CLCC1: variants seen among roughly 807,000 people sequenced by gnomAD.
CLCC1 encodes the protein chloride channel CLIC like 1, also known as chloride channel CLIC-like protein 1.
CLCC1 carries 39 observed loss-of-function variants against 63.3 expected under a neutral mutation model. The observed-to-expected ratio is 0.62, with a 90% CI of 0.48 to 0.81. The LOEUF (loss-of-function observed/expected upper bound fraction) is 0.81. Among genes scored for constraint, CLCC1 ranks in the 30% least tolerant of loss-of-function variants. The pLI, the probability that CLCC1 is intolerant of heterozygous loss-of-function variation, is 0.00. For missense variants in CLCC1, 549 were observed against 669.4 expected (o/e 0.82, Z 1.98); for synonymous variants, 217 against 239.8 (o/e 0.90, Z 0.88).
intron 5 of CLCC1, among the ~76,000 whole-genome samples, chr1:108,944,819 C>T (rs1340672708): frequency 2.0e-5 from 3 of 152,038 alleles, no homozygotes; most frequent in African/African-American, 4.8e-5. Context: ...TTAGTAGAGA[C>T]GGGGTTTCAC....
chr1:108,945,450 C>T (rs1654417433), intron 5 of CLCC1, among the ~76,000 whole-genome samples: 1 of 152,166 alleles, frequency 6.6e-6, no homozygotes, highest in East Asian at 1.9e-4. Flanking sequence ...GTTTTGATTG[C>T]CTTGTTCCAT....
chr1:108,951,419 TGATA>T (rs1655170273), intron 2 of CLCC1, among the ~76,000 whole-genome samples: 1 of 152,050 alleles, frequency 6.6e-6, no homozygotes, highest in Admixed American at 6.6e-5. Context: ...TTCCATTAAC[TGATA>T]AATAAAACTG....
At chr1:108,941,691 T>G (rs1653869551) in intron 7 of CLCC1, among the ~76,000 whole-genome samples, 193 bp from the exon 8 acceptor site, 2 of 152,168 alleles carry the variant, frequency 1.3e-5, no homozygotes, top group South Asian at 4.1e-4. Flanking sequence ...TCTCGCCCTG[T>G]CACCCACGCT....
intron 2 of CLCC1, among the ~76,000 whole-genome samples, chr1:108,956,882 A>AGGGAGACGGGGAGGCAGGGAGGCG (rs1655965670): frequency 9.6e-6 from 1 of 104,420 alleles, no homozygotes; most frequent in African/African-American, 4.1e-5. Flanking sequence ...GCTGGGAGGC[A>AGGGAGACGGGGAGGCAGGGAGGCG]GGGAGGCGGG....
chr1:108,938,355 T>A (rs11809361), intron 10 of CLCC1, among the ~76,000 whole-genome samples: 10,074 of 152,238 alleles, frequency 0.066, 461 homozygotes, highest in African/African-American at 0.14. Context: ...ACTCTGCTGA[T>A]AATTTCAGTT....
chr1:108,961,572 G>C (rs770628165), intron 2 of CLCC1, among the ~76,000 whole-genome samples: 3 of 152,110 alleles, frequency 2.0e-5, no homozygotes, highest in Non-Finnish European at 4.4e-5. Flanking sequence ...TATAATAGTA[G>C]CTAAAGGCCG....
chr1:108,961,588 G>A (rs773982455), intron 2 of CLCC1, among the ~76,000 whole-genome samples: 3 of 152,110 alleles, frequency 2.0e-5, no homozygotes, highest in South Asian at 2.1e-4. Flanking sequence ...GGCCGGGCAC[G>A]GTGGCTCACG....
In CLCC1 at chr1:108,934,691, C is replaced by A. The variant is rs145636232; in HGVS notation, c.1635G>T (p.Pro545=). ...TCCTCTAGCCACAGGGGCTGCTGACCGGATCCTGTCCACGTGGTCCAGCCA... is the reference window on the plus strand; with the variant it reads ...TCCTCTAGCCACAGGGGCTGCTGACAGGATCCTGTCCACGTGGTCCAGCCA... ...RGVAGPRGQD[P]VSSPCG is the part of the protein sequence containing the mutation. Residue 545 remains proline, a synonymous_variant, in exon 12 of 13, where the codon CCG becomes CCT. Transcript: ENST00000369969. 1.5e-5 allele frequency: 25 copies of A among 1,613,314 alleles called. No individual in the cohort carries two copies. In the South Asian group the frequency reaches 2.4e-4, roughly 16 times the overall value.
chr1:108,945,905 G>A (rs1571043064), intron 5 of CLCC1, among the ~76,000 whole-genome samples: 1 of 152,152 alleles, frequency 6.6e-6, no homozygotes, highest in East Asian at 1.9e-4. Flanking sequence ...GCTCACACCT[G>A]TAATCCCAGC....
At position 108,929,904 on chromosome 1, in the gene CLCC1, G is replaced by GT. The variant is rs1314362870; in HGVS notation, c.*2642dup. 4 of 1,613,608 alleles carry GT rather than the reference G, an allele frequency of 2.5e-6. No homozygotes were observed. Among genetic ancestry groups the GT allele is most frequent in the Admixed American group, 1.7e-5 (1 of 59,988 alleles). On this transcript the variant is annotated 3_prime_UTR_variant, in exon 13 of 13. Coordinates refer to ENST00000369969, the MANE Select transcript of CLCC1 (RefSeq NM_001377458.1). ...TTTTGCAAAATAATGCTTTGTTGGAGTTTAAAAATTCAGGGAAAAAATCGG... is the reference window on the plus strand; with the variant it reads ...TTTTGCAAAATAATGCTTTGTTGGAGTTTTAAAAATTCAGGGAAAAAATCGG...
intron 10 of CLCC1, among the ~76,000 whole-genome samples, chr1:108,939,367 T>C (rs867706430): frequency 1.7e-4 from 25 of 149,296 alleles, no homozygotes; most frequent in Admixed American, 2.7e-4. Flanking sequence ...AGTACAGTGG[T>C]GCGATCTCGG....
intron 5 of CLCC1, 136 bp from the exon 6 acceptor site, chr1:108,944,193 G>T: frequency 1.5e-6 from 1 of 678,958 alleles, no homozygotes; most frequent in Non-Finnish European, 2.4e-6. Flanking sequence ...TAATAGCCTG[G>T]GCAAGGTAGC....
At chr1:108,939,818 A>G in intron 9 of CLCC1, 36 bp from the exon 10 acceptor site, 2 of 1,605,136 alleles carry the variant, frequency 1.2e-6, no homozygotes, top group Non-Finnish European at 1.7e-6. Context: ...TTTTCTCCTC[A>G]CAGGACTAAG....
In CLCC1 at chr1:108,929,698, T is replaced by C; in HGVS notation, c.*2849A>G. 3 of 1,613,050 alleles carry C rather than the reference T, an allele frequency of 1.9e-6. No individual in the cohort carries two copies. Among genetic ancestry groups the C allele is most frequent in the South Asian group, 1.1e-5 (1 of 91,064 alleles). On this transcript the variant is annotated 3_prime_UTR_variant, in exon 13 of 13. Transcript: ENST00000369969. ...TCTTTTAATCTCTCTCATAAACTTC[T>C]AGGGATCCAGATTAGATGATCAAAG...
chr1:108,931,554 A>C lies in CLCC1; in HGVS notation c.*993T>G. ...GTCATTCAGGTGATTTGGATGGGCA[A>C]ATAGAACTATTTCTCTAATGGCCAA... On this transcript the variant is annotated 3_prime_UTR_variant, in exon 13 of 13. Transcript: ENST00000369969. The C allele has an allele frequency of 6.7e-7, 1 of 1,494,278 alleles. No individual in the cohort carries two copies. Among genetic ancestry groups the C allele is most frequent in the African/African-American group, 1.4e-5 (1 of 70,880 alleles). The allele number at this position is 1,494,278 out of a possible 1,614,324, so 92.6% of individuals were successfully genotyped here.
Position 108,929,783 on chromosome 1 carries a change from G to A in CLCC1, c.*2764C>T, listed in dbSNP as rs144830055. On this transcript the variant is annotated 3_prime_UTR_variant, in exon 13 of 13. Coordinates refer to ENST00000369969, the MANE Select transcript of CLCC1 (RefSeq NM_001377458.1). ...ACAGTACCAGATGAAGACTTTTTCAGCCTTATTTTACGGTCCCAGGGAAAG... is the reference window on the plus strand; with the variant it reads ...ACAGTACCAGATGAAGACTTTTTCAACCTTATTTTACGGTCCCAGGGAAAG... The A allele has an allele frequency of 1.2e-5, 19 of 1,613,878 alleles. No homozygotes were observed. The African/African-American group carries it at 2.3e-4, about 19-fold the overall frequency.
At chr1:108,932,551 A>C (rs549480746) in intron 12 of CLCC1, 50 bp from the exon 13 acceptor site, 1 of 152,368 alleles carries the variant, frequency 6.6e-6, no homozygotes, top group East Asian at 1.9e-4. Flanking sequence ...ATTTTTTAAA[A>C]GAATTTGGTT....
intron 2 of CLCC1, among the ~76,000 whole-genome samples, chr1:108,950,868 G>A (rs540538478): frequency 6.6e-6 from 1 of 152,088 alleles, no homozygotes; most frequent in Non-Finnish European, 1.5e-5. Context: ...AACACTTTCT[G>A]AACAGTATCT....
Position 108,930,848 on chromosome 1 carries a change from G to A in CLCC1, c.*1699C>T, listed in dbSNP as rs776002069. On this transcript the variant is annotated 3_prime_UTR_variant, in exon 13 of 13. Transcript: ENST00000369969. ...AGAGATTGCAGTGAGCTGAGACCAA[G>A]CCACTGGACTCCAGCCTGAGTGACA... 2 of 152,204 alleles carry A rather than the reference G, an allele frequency of 1.3e-5. No homozygotes were observed. The highest frequency in any genetic ancestry group is 2.9e-5 in the Non-Finnish European group (2 of 68,612). 9.4% of individuals were successfully genotyped at this position (152,204 alleles called of 1,614,324 possible). A position where few individuals can be genotyped will look rare whatever the true frequency, so the allele number is the denominator to read the frequency against.
Sources: gnomAD v4.1 joint callset for allele counts (sites outside exome capture counted in the v4.1 genomes callset) on GRCh38, gnomAD v4.1.1 for gene constraint, MANE v1.5 for transcripts, NCBI Gene and HGNC (gene_info 2026-07-23, HGNC 2026-07-21) for gene names.